Variants in RPS6KA2 observed in about 807,000 individuals in gnomAD.
RPS6KA2 encodes the protein ribosomal protein S6 kinase alpha-2.
RPS6KA2 carries 42 observed loss-of-function variants against 91.8 expected under a neutral mutation model. That is an observed-to-expected ratio of 0.46 (90% CI 0.36 to 0.59). The LOEUF (loss-of-function observed/expected upper bound fraction) is 0.59. Among genes scored for constraint, RPS6KA2 ranks in the 20% least tolerant of loss-of-function variants. RPS6KA2 has a pLI of 0.00. For synonymous variants in RPS6KA2, 414 were observed against 393.6 expected, an observed-to-expected ratio of 1.05 and a Z score of -0.61; for missense variants, 798 against 978.5, an observed-to-expected ratio of 0.82 and a Z score of 2.46.
chr6:166,667,593 T>C (rs902293024), intron 2 of RPS6KA2, among the ~76,000 whole-genome samples: 1 of 152,188 alleles, frequency 6.6e-6, no homozygotes, highest in African/African-American at 2.4e-5. Flanking sequence ...CAGTTTCTCA[T>C]AGATATCAGC....
chr6:166,517,610 G>A (rs1286714462), intron 3 of RPS6KA2, among the ~76,000 whole-genome samples: 1 of 151,282 alleles, frequency 6.6e-6, no homozygotes, highest in African/African-American at 2.4e-5. Context: ...CGAGTAGCTG[G>A]GACTACAGGC....
chr6:166,760,090 T>C (rs1352249088), intron 2 of RPS6KA2, among the ~76,000 whole-genome samples: 1 of 152,222 alleles, frequency 6.6e-6, no homozygotes, highest in Admixed American at 6.5e-5. Flanking sequence ...TTGTTTCAAA[T>C]ACACAGGAAT....
intron 2 of RPS6KA2, among the ~76,000 whole-genome samples, chr6:166,645,999 C>T (rs188477119): frequency 1.5e-3 from 232 of 152,284 alleles, no homozygotes; most frequent in African/African-American, 5.5e-3. Flanking sequence ...AAAACGTTTG[C>T]TTCTAGGGCC....
At chr6:166,455,352 G>A (rs1282327463) in intron 12 of RPS6KA2, among the ~76,000 whole-genome samples, 3 of 152,174 alleles carry the variant, frequency 2.0e-5, no homozygotes, top group Non-Finnish European at 4.4e-5. Flanking sequence ...GGGCCAGGCC[G>A]TGGGCAGATG....
chr6:166,698,544 G>A (rs1342221800), intron 2 of RPS6KA2, among the ~76,000 whole-genome samples: 3 of 152,236 alleles, frequency 2.0e-5, no homozygotes, highest in Non-Finnish European at 1.5e-5. Flanking sequence ...CATCTGCCCA[G>A]TGTGTGTCTT....
chr6:166,571,204 G>A (rs1220669280), intron 1 of RPS6KA2, among the ~76,000 whole-genome samples: 3 of 152,172 alleles, frequency 2.0e-5, no homozygotes, highest in Non-Finnish European at 2.9e-5. Context: ...AAGGGATACC[G>A]GGGAAACTGC....
At chr6:166,842,554 C>G (rs1307519845) in intron 2 of RPS6KA2, among the ~76,000 whole-genome samples, 2 of 152,202 alleles carry the variant, frequency 1.3e-5, no homozygotes, top group African/African-American at 2.4e-5. Flanking sequence ...ATTTAAGCTG[C>G]CCGGTGCATG....
chr6:166,564,094 C>T (rs1193835200), intron 1 of RPS6KA2, among the ~76,000 whole-genome samples: 2 of 152,170 alleles, frequency 1.3e-5, no homozygotes, highest in Non-Finnish European at 2.9e-5. Flanking sequence ...TCTGTGTTTC[C>T]TCAGGAATAT....
At chr6:166,799,961 A>C (rs1265077348) in intron 2 of RPS6KA2, among the ~76,000 whole-genome samples, 1 of 152,176 alleles carries the variant, frequency 6.6e-6, no homozygotes. Context: ...ATCTCTCAGG[A>C]GATGCGCTAA....
rs551166370 is a variant in RPS6KA2, at chr6:166,660,072, A to C, written c.124-121288T>G. Among the ~76,000 whole-genome samples, 49 of 152,296 alleles carry C rather than the reference A, an allele frequency of 3.2e-4. No homozygotes were observed. In the South Asian group the frequency reaches 6.0e-3, roughly 19 times the overall value. ...ACACCTGGCCAATAATTAATTCTAT[A>C]AACTGGAAAGTGTTAAACAAACATT... is the stretch of plus-strand genomic sequence containing the variant. On this transcript the variant is annotated intron_variant, in intron 2 of 21. Transcript: ENST00000503859.
intron 13 of RPS6KA2, among the ~76,000 whole-genome samples, chr6:166,449,805 GACCACCATGGGA>G (rs1225872968): frequency 3.4e-5 from 5 of 145,426 alleles, no homozygotes; most frequent in African/African-American, 7.8e-5. Flanking sequence ...CCACCACGGG[GACCACCATGGGA>G]ACCACCACAG....
Position 166,554,242 on chromosome 6 carries a change from G to T in RPS6KA2, c.100-15458C>A, listed in dbSNP as rs114269393. Among the ~76,000 whole-genome samples, 1 of 152,158 alleles carries T rather than the reference G, an allele frequency of 6.6e-6. No individual in the cohort carries two copies. The highest frequency in any genetic ancestry group is 1.5e-5 in the Non-Finnish European group (1 of 68,042). The stretch of plus-strand genomic sequence containing the variant: ...TTCAAATAATGATGACCTGAGAAGC[G>T]ACTGCTACCCCTTTCCCAGAAGTAA... On this transcript the variant is annotated intron_variant, in intron 1 of 20. Coordinates refer to ENST00000265678, the MANE Select transcript of RPS6KA2 (RefSeq NM_021135.6). This position sits in a 1 kb window ranked among gnomAD's most constrained non-coding sequence, Gnocchi z 4.3.
At chr6:166,468,524 C>T (rs941355432) in intron 11 of RPS6KA2, among the ~76,000 whole-genome samples, 2 of 151,994 alleles carry the variant, frequency 1.3e-5, no homozygotes, top group African/African-American at 2.4e-5. Flanking sequence ...AGGTGGGGCC[C>T]ACCTCTTAAT....
Position 166,849,272 on chromosome 6 carries a change from C to T in RPS6KA2, c.123+8928G>A, listed in dbSNP as rs530613187. ...GGTAGAGAAGTCTACGGTAACCATGCCCCATGCCTCTGCTGGTATGGCCCA... is the reference window on the plus strand; with the variant it reads ...GGTAGAGAAGTCTACGGTAACCATGTCCCATGCCTCTGCTGGTATGGCCCA... On this transcript the variant is annotated intron_variant, in intron 2 of 21. Coordinates refer to the RPS6KA2 transcript ENST00000503859. This position sits in a 1 kb window ranked among gnomAD's most constrained non-coding sequence, Gnocchi z 4.9. 2.0e-5 allele frequency among the ~76,000 whole-genome samples: 3 copies of T among 152,326 alleles called. No homozygotes were observed. The South Asian group carries it at 6.2e-4, about 32-fold the overall frequency.
chr6:166,822,236 A>T (rs1779922702), intron 2 of RPS6KA2, among the ~76,000 whole-genome samples: 1 of 152,052 alleles, frequency 6.6e-6, no homozygotes. Flanking sequence ...TGAAGTCCCG[A>T]CTCCCAGCGC....
intron 6 of RPS6KA2, among the ~76,000 whole-genome samples, chr6:166,502,160 G>A (rs765302707): frequency 5.3e-5 from 8 of 152,152 alleles, no homozygotes; most frequent in Non-Finnish European, 8.8e-5. Context: ...ATGGGAACGT[G>A]CTTAATGCCA....
In RPS6KA2 at chr6:166,733,756, G is replaced by A. The variant is rs1206372767; in HGVS notation, c.123+124444C>T. 1.3e-5 allele frequency among the ~76,000 whole-genome samples: 2 copies of A among 152,174 alleles called. No individual in the cohort carries two copies. The highest frequency in any genetic ancestry group is 2.9e-5 in the Non-Finnish European group (2 of 68,040). Reference sequence around the variant, plus strand: ...GGGGAAGTGGAGGCTGCCCTGGTAGGTGCCATCCCTAAACTGTTTGGGAGA... The same window carrying A: ...GGGGAAGTGGAGGCTGCCCTGGTAGATGCCATCCCTAAACTGTTTGGGAGA... On this transcript the variant is annotated intron_variant, in intron 2 of 21. Coordinates refer to the RPS6KA2 transcript ENST00000503859. This position sits in a 1 kb window ranked among gnomAD's most constrained non-coding sequence, Gnocchi z 4.1.
chr6:166,643,248 A>T (rs1328388884), intron 2 of RPS6KA2, among the ~76,000 whole-genome samples: 2 of 152,212 alleles, frequency 1.3e-5, no homozygotes, highest in African/African-American at 2.4e-5. Context: ...CAAAATATGT[A>T]AAAAAATAAA....
intron 6 of RPS6KA2, among the ~76,000 whole-genome samples, 176 bp from the exon 7 acceptor site, chr6:166,501,100 C>G (rs751175151): frequency 6.6e-6 from 1 of 152,154 alleles, no homozygotes; most frequent in Non-Finnish European, 1.5e-5. Flanking sequence ...CATCCTGCCT[C>G]GCTTCTCCAC....
Sources: allele counts gnomAD v4.1 joint callset (sites outside exome capture counted in the v4.1 genomes callset), GRCh38; gene constraint gnomAD v4.1.1; non-coding constraint Gnocchi (gnomAD v3.1); transcripts MANE v1.5; gene names NCBI Gene and HGNC (gene_info 2026-07-23, HGNC 2026-07-21).